The following RBPMS variants were observed in gnomAD, a reference collection of about 807,000 sequenced individuals.
The protein encoded by RBPMS is RNA-binding protein with multiple splicing.
RBPMS carries 7 observed loss-of-function variants against 26.8 expected under a neutral mutation model. The ratio of observed to expected loss-of-function variants is 0.26; its 90% CI spans 0.15 to 0.49. The LOEUF is 0.49. Among genes scored for constraint, RBPMS ranks in the 20% least tolerant of loss-of-function variants. The pLI is 0.98. For missense variants in RBPMS, 186 were observed against 250.0 expected, an observed-to-expected ratio of 0.74 and a Z score of 1.73; for synonymous variants, 96 against 93.3, an observed-to-expected ratio of 1.03 and a Z score of -0.17.
chr8:30,544,982 G>GA (rs1398082906), intron 6 of RBPMS: 54 of 1,452,922 alleles, frequency 3.7e-5, no homozygotes, highest in Admixed American at 5.0e-5. Flanking sequence ...GGCTGCAGAG[G>GA]AAGGTGTGTG....
intron 7 of RBPMS, among the ~76,000 whole-genome samples, chr8:30,563,749 G>C (rs1229299566): frequency 1.3e-5 from 2 of 152,162 alleles, no homozygotes; most frequent in Non-Finnish European, 2.9e-5. Context: ...TGCCCAGGTG[G>C]AGCTTAGAGC....
intron 6 of RBPMS, among the ~76,000 whole-genome samples, chr8:30,546,406 A>G (rs1420722795): frequency 2.6e-5 from 4 of 152,188 alleles, no homozygotes; most frequent in Non-Finnish European, 5.9e-5. Flanking sequence ...TTCTTCATTC[A>G]TGTAATGGGT....
intron 5 of RBPMS, among the ~76,000 whole-genome samples, chr8:30,528,581 G>A (rs966600393): frequency 6.6e-6 from 1 of 152,164 alleles, no homozygotes; most frequent in African/African-American, 2.4e-5. Flanking sequence ...CAATAATGAG[G>A]ATGATAGCAG....
At chr8:30,492,468 A>AT (rs933994734) in intron 4 of RBPMS, among the ~76,000 whole-genome samples, 2 of 152,058 alleles carry the variant, frequency 1.3e-5, no homozygotes, top group African/African-American at 4.8e-5. Context: ...TTAAAAAAAA[A>AT]ATACCCCTTT....
At chr8:30,537,754 G>GA (rs1824950781) in intron 5 of RBPMS, 1 of 417,924 alleles carries the variant, frequency 2.4e-6, no homozygotes, top group Non-Finnish European at 4.8e-6. Context: ...TGTCTCCCAT[G>GA]AGGATGATTG....
intron 1 of RBPMS, among the ~76,000 whole-genome samples, chr8:30,463,784 A>G (rs952475444): frequency 1.3e-5 from 2 of 152,190 alleles, no homozygotes; most frequent in African/African-American, 4.8e-5. Context: ...CTGGATTTGA[A>G]TCCCAGCAGA....
chr8:30,542,153 T>C (rs1044758836), intron 5 of RBPMS, among the ~76,000 whole-genome samples: 2 of 152,226 alleles, frequency 1.3e-5, no homozygotes, highest in African/African-American at 4.8e-5. Context: ...AATACGTTAC[T>C]ACTACTCAGC....
intron 4 of RBPMS, among the ~76,000 whole-genome samples, chr8:30,501,489 T>G (rs1820552565): frequency 6.6e-6 from 1 of 151,982 alleles, no homozygotes; most frequent in Non-Finnish European, 1.5e-5. Context: ...GAATTTGCCC[T>G]GAGTAGGGAA....
intron 1 of RBPMS, among the ~76,000 whole-genome samples, chr8:30,416,981 G>A (rs1810159648): frequency 6.6e-6 from 1 of 152,102 alleles, no homozygotes; most frequent in Non-Finnish European, 1.5e-5. Context: ...TGTTGGCTAG[G>A]TGGGTTTTGA....
chr8:30,410,083 T>G (rs3116010), intron 1 of RBPMS, among the ~76,000 whole-genome samples: 108,302 of 151,292 alleles, frequency 0.72, 39,164 homozygotes, highest in African/African-American at 0.82. Flanking sequence ...CAAGCTAAGA[T>G]CCCTGCCTCC....
At chr8:30,457,735 A>G (rs1315488799) in intron 1 of RBPMS, among the ~76,000 whole-genome samples, 1 of 151,694 alleles carries the variant, frequency 6.6e-6, no homozygotes, top group Non-Finnish European at 1.5e-5. Flanking sequence ...ACAGGCGCAC[A>G]CCACCACACC....
intron 1 of RBPMS, among the ~76,000 whole-genome samples, chr8:30,471,365 T>G (rs1817087623): frequency 6.6e-6 from 1 of 152,216 alleles, no homozygotes; most frequent in African/African-American, 2.4e-5. Flanking sequence ...TAACCTCTGT[T>G]GGTAAATTGA....
At chr8:30,561,223 G>A (rs754397555) in intron 7 of RBPMS, among the ~76,000 whole-genome samples, 5 of 152,154 alleles carry the variant, frequency 3.3e-5, no homozygotes, top group Non-Finnish European at 5.9e-5. Flanking sequence ...CTGAGATATA[G>A]TCTAGGGTCT....
chr8:30,531,830 T>C (rs1050503313), intron 5 of RBPMS, among the ~76,000 whole-genome samples: 1 of 152,232 alleles, frequency 6.6e-6, no homozygotes, highest in Non-Finnish European at 1.5e-5. Context: ...AGATAAAATA[T>C]GGCTATTCAG....
At chr8:30,490,141 G>T (rs1207886788) in intron 4 of RBPMS, among the ~76,000 whole-genome samples, 2 of 152,094 alleles carry the variant, frequency 1.3e-5, no homozygotes, top group Non-Finnish European at 2.9e-5. Context: ...AATAATTTTG[G>T]TGGAACCTCA....
chr8:30,552,116 G>A (rs1330439823), intron 6 of RBPMS, among the ~76,000 whole-genome samples: 1 of 152,140 alleles, frequency 6.6e-6, no homozygotes, highest in East Asian at 1.9e-4. Context: ...CTTTGGTAAA[G>A]AAGAGAAACA....
At chr8:30,487,591 T>C (rs1339390799) in intron 4 of RBPMS, among the ~76,000 whole-genome samples, 4 of 152,142 alleles carry the variant, frequency 2.6e-5, no homozygotes, top group Admixed American at 2.6e-4. Flanking sequence ...GTTAAAAAAT[T>C]TTAATGAGAA....
chr8:30,439,055 G>C (rs1812789162), intron 1 of RBPMS, among the ~76,000 whole-genome samples: 1 of 152,216 alleles, frequency 6.6e-6, no homozygotes, highest in Non-Finnish European at 1.5e-5. Flanking sequence ...GAAATTACAA[G>C]AAGATGTGAC....
chr8:30,531,105 A>T (rs1352415068), intron 5 of RBPMS, among the ~76,000 whole-genome samples: 1 of 151,882 alleles, frequency 6.6e-6, no homozygotes, highest in Non-Finnish European at 1.5e-5. Context: ...ACTAGCTCTT[A>T]GATTTGAACA....
Sources: gnomAD v4.1 joint callset for allele counts (sites outside exome capture counted in the v4.1 genomes callset) on GRCh38, gnomAD v4.1.1 for gene constraint, MANE v1.5 for transcripts, NCBI Gene and HGNC (gene_info 2026-07-23, HGNC 2026-07-21) for gene names.